CLHC1: variants seen among roughly 807,000 people sequenced by gnomAD.
CLHC1 encodes the protein clathrin heavy chain linker domain-containing protein 1.
In CLHC1, 72 loss-of-function variants were observed where a neutral mutation model predicts 69.5. That is an observed-to-expected ratio of 1.04 (90% confidence interval 0.86 to 1.26). The LOEUF is 1.26. Among genes scored for constraint, CLHC1 ranks in the 50% most tolerant of loss-of-function variants. CLHC1 has a pLI of 0.00. For synonymous variants in CLHC1, 223 were observed against 224.3 expected, an observed-to-expected ratio of 0.99 and a Z score of 0.05; for missense variants, 790 against 679.3, an observed-to-expected ratio of 1.16 and a Z score of -1.81.
At chr2:55,223,193 C>T (rs1290923238) in intron 2 of CLHC1, among the ~76,000 whole-genome samples, 2 of 152,110 alleles carry the variant, frequency 1.3e-5, no homozygotes, top group African/African-American at 2.4e-5. Context: ...GACCCCGGCG[C>T]TTATCTGGCC....
chr2:55,207,209 C>T lies in CLHC1; in HGVS notation c.900-833G>A, dbSNP rs116659610. Reference sequence around the variant, plus strand: ...TTCTGCCAGGCAACAGGTTCCCAATCGAAGATTAGCACAAGAAGGAAAGAT... The same window carrying T: ...TTCTGCCAGGCAACAGGTTCCCAATTGAAGATTAGCACAAGAAGGAAAGAT... On this transcript the variant is annotated intron_variant, in intron 8 of 12. Coordinates refer to ENST00000401408, the MANE Select transcript of CLHC1 (RefSeq NM_152385.4). Among the ~76,000 whole-genome samples, 515 of 152,038 alleles carry T rather than the reference C, an allele frequency of 3.4e-3. 2 individuals are homozygous for T. The highest frequency in any genetic ancestry group is 0.014 in the Middle Eastern group (4 of 294).
chr2:55,184,919 AACACACAC>A (rs561837633), intron 9 of CLHC1, among the ~76,000 whole-genome samples: 28 of 126,092 alleles, frequency 2.2e-4, no homozygotes, highest in African/African-American at 4.6e-4. Flanking sequence ...AAAAAAACAA[AACACACAC>A]ACACACACAC....
rs998920956 is a variant in CLHC1, at chr2:55,174,386, C to T, written c.*1404G>A. On this transcript the variant is annotated 3_prime_UTR_variant, in exon 13 of 13. Transcript: ENST00000401408. The stretch of plus-strand genomic sequence containing the variant: ...TCAGCAATAAGTTGTACCAATATAT[C>T]AAATACTTTAAAGAAGGATAAACAT... 6.6e-6 allele frequency among the ~76,000 whole-genome samples: 1 copy of T among 152,118 alleles called. No homozygotes were observed. The highest frequency in any genetic ancestry group is 1.9e-4 in the East Asian group (1 of 5,200).
intron 1 of CLHC1, among the ~76,000 whole-genome samples, chr2:55,228,870 C>T (rs1674970531): frequency 6.6e-6 from 1 of 152,146 alleles, no homozygotes; most frequent in Admixed American, 6.5e-5. Context: ...AAAAAATAGT[C>T]CAGGCACAGC....
chr2:55,229,844 C>T (rs754886868), intron 1 of CLHC1, among the ~76,000 whole-genome samples: 19 of 152,348 alleles, frequency 1.2e-4, no homozygotes, highest in Middle Eastern at 3.4e-3. Context: ...GAGGCCAAGG[C>T]GGGCAGATCA....
At chr2:55,211,502 C>CAAA (rs35216255) in intron 5 of CLHC1, among the ~76,000 whole-genome samples, 9 of 82,252 alleles carry the variant, frequency 1.1e-4, no homozygotes, top group Admixed American at 2.7e-4. Context: ...ACTATGTCTC[C>CAAA]AAAAAAAAAA....
At chr2:55,199,900 A>T (rs758691139) in intron 9 of CLHC1, among the ~76,000 whole-genome samples, 4 of 152,162 alleles carry the variant, frequency 2.6e-5, no homozygotes, top group Non-Finnish European at 5.9e-5. Context: ...ATATCAAGTG[A>T]ATGTTAGCAG....
At chr2:55,190,588 A>T (rs1670833160) in intron 9 of CLHC1, among the ~76,000 whole-genome samples, 1 of 152,206 alleles carries the variant, frequency 6.6e-6, no homozygotes, top group Non-Finnish European at 1.5e-5. Flanking sequence ...ACAGAGATGA[A>T]AACTACAATG....
chr2:55,211,275 GCAGATCACAAGGT>G, intron 5 of CLHC1, among the ~76,000 whole-genome samples: 1 of 152,174 alleles, frequency 6.6e-6, no homozygotes, highest in Non-Finnish European at 1.5e-5. Context: ...GCCGAGATGG[GCAGATCACAAGGT>G]CAGGAGATCA....
chr2:55,224,359 T>G (rs1381840149), intron 2 of CLHC1: 1 of 446,974 alleles, frequency 2.2e-6, no homozygotes, highest in Non-Finnish European at 4.6e-6. Context: ...CTCCTGCTAC[T>G]TGGGGCAGAA....
chr2:55,174,497 A>C lies in CLHC1; in HGVS notation c.*1293T>G, dbSNP rs1353487625. Among the ~76,000 whole-genome samples the C allele has an allele frequency of 6.6e-6, 1 of 152,206 alleles. No individual in the cohort carries two copies. Among genetic ancestry groups the C allele is most frequent in the Non-Finnish European group, 1.5e-5 (1 of 68,018 alleles). On this transcript the variant is annotated 3_prime_UTR_variant, in exon 13 of 13. Coordinates refer to ENST00000401408, the MANE Select transcript of CLHC1 (RefSeq NM_152385.4). ...TGTTTCTGGGGCCGATTACAAAGGA[A>C]TTACAGCTATCTTTTCCTAAGTTCC...
intron 10 of CLHC1, 54 bp from the exon 11 acceptor site, chr2:55,180,766 G>A: frequency 1.4e-6 from 2 of 1,422,452 alleles, no homozygotes; most frequent in South Asian, 1.2e-5. Flanking sequence ...ATGAGTGGCT[G>A]AGACTGAAAT....
intron 1 of CLHC1, among the ~76,000 whole-genome samples, chr2:55,229,701 T>C (rs571082541): frequency 6.6e-6 from 1 of 152,370 alleles, no homozygotes; most frequent in East Asian, 1.9e-4. Flanking sequence ...TGTAAGAATT[T>C]AGGCTTTCCT....
chr2:55,177,795 T>A lies in CLHC1; in HGVS notation c.1385-14A>T, dbSNP rs1258216814. ...GCAACAGGTCATCTGAAGGCAAAAA[T>A]GAAAAAGTTTATCTCAATGTCCTAA... On this transcript the variant is annotated splice_polypyrimidine_tract_variant and intron_variant, in intron 11 of 12. Transcript: ENST00000401408. 3.8e-6 allele frequency: 6 copies of A among 1,588,738 alleles called. 1 individual carries two copies. In the South Asian group the frequency reaches 4.5e-5, roughly 12 times the overall value.
intron 3 of CLHC1, among the ~76,000 whole-genome samples, chr2:55,219,417 T>C (rs1053889425): frequency 6.6e-6 from 1 of 152,176 alleles, no homozygotes; most frequent in Non-Finnish European, 1.5e-5. Context: ...CAACAAAATA[T>C]TTTAAAATTT....
intron 11 of CLHC1, among the ~76,000 whole-genome samples, chr2:55,178,669 G>T (rs936984263): frequency 6.6e-6 from 1 of 151,708 alleles, no homozygotes; most frequent in Non-Finnish European, 1.5e-5. Context: ...TATAAACTTG[G>T]TATTAACTTC....
Position 55,217,837 on chromosome 2 carries a change from C to A in CLHC1, c.339G>T (p.Arg113Ser), listed in dbSNP as rs752564828. Residue 113 changes from arginine to serine, a missense_variant, in exon 4 of 13, where the codon AGG becomes AGT. Transcript: ENST00000401408. Reference protein sequence around the residue: ...AAEPTALVYYRKRTIQLEAKM... With the variant: ...AAEPTALVYYSKRTIQLEAKM... Reference sequence around the variant, plus strand: ...TTGCTTCAAGTTGGATTGTTCTTTTCCTGTAATATACCAAAGCTGTAGGCT... The same window carrying A: ...TTGCTTCAAGTTGGATTGTTCTTTTACTGTAATATACCAAAGCTGTAGGCT... The A allele has an allele frequency of 3.8e-6, 6 of 1,566,982 alleles. No individual in the cohort carries two copies. Among genetic ancestry groups the A allele is most frequent in the Non-Finnish European group, 5.2e-6 (6 of 1,161,904 alleles).
At chr2:55,202,069 G>A (rs1013931497) in intron 9 of CLHC1, among the ~76,000 whole-genome samples, 1 of 152,074 alleles carries the variant, frequency 6.6e-6, no homozygotes, top group Admixed American at 6.6e-5. Context: ...TGAATGGGAG[G>A]AAACTGAAAG....
At chr2:55,195,786 G>A (rs1185349185) in intron 9 of CLHC1, among the ~76,000 whole-genome samples, 1 of 152,122 alleles carries the variant, frequency 6.6e-6, no homozygotes, top group Non-Finnish European at 1.5e-5. Flanking sequence ...GTGACAGAGT[G>A]AGACTCTTGT....
Sources: allele counts gnomAD v4.1 joint callset (sites outside exome capture counted in the v4.1 genomes callset), GRCh38; gene constraint gnomAD v4.1.1; transcripts MANE v1.5; gene names NCBI Gene and HGNC (gene_info 2026-07-23, HGNC 2026-07-21).